THSD4: variants seen among roughly 807,000 people sequenced by gnomAD.
The protein encoded by THSD4 is thrombospondin type 1 domain containing 4, also known as thrombospondin type-1 domain-containing protein 4.
Under a neutral mutation model 119.0 loss-of-function variants are expected in THSD4, and 69 were observed. The ratio of observed to expected loss-of-function variants is 0.58; its 90% confidence interval spans 0.48 to 0.71. The LOEUF (loss-of-function observed/expected upper bound fraction) is 0.71. Ranked by LOEUF, THSD4 falls within the 30% of genes least tolerant of loss-of-function variation. THSD4 has a pLI of 0.00. For missense variants in THSD4, 1,393 were observed against 1,391.1 expected, an observed-to-expected ratio of 1.00 and a Z score of -0.02; for synonymous variants, 524 against 540.4, an observed-to-expected ratio of 0.97 and a Z score of 0.42.
intron 11 of THSD4, among the ~76,000 whole-genome samples, chr15:71,743,340 T>A (rs1438951454): frequency 2.6e-5 from 4 of 152,106 alleles, no homozygotes; most frequent in African/African-American, 9.7e-5. Flanking sequence ...TGCTTTCCTA[T>A]CCACAAACAT....
At chr15:71,732,389 C>T (rs1162735270) in intron 10 of THSD4, 1 of 152,230 alleles carries the variant, frequency 6.6e-6, no homozygotes, top group Non-Finnish European at 1.5e-5. Context: ...GAGCAGGCAG[C>T]TTTCTCTCGG....
chr15:71,327,290 G>A (rs1297190555), intron 6 of THSD4, among the ~76,000 whole-genome samples: 1 of 151,850 alleles, frequency 6.6e-6, no homozygotes, highest in East Asian at 1.9e-4. Flanking sequence ...GTTATGGAGG[G>A]GCTCACACTG....
upstream of THSD4, chr15:71,111,471 G>T (rs990720679): frequency 7.2e-7 from 1 of 1,384,726 alleles, no homozygotes; most frequent in Non-Finnish European, 1.0e-6. Flanking sequence ...GCAAGCAGGG[G>T]AGGGAATCTA....
intron 3 of THSD4, among the ~76,000 whole-genome samples, chr15:71,164,367 T>C (rs2043271892): frequency 1.0e-5 from 1 of 98,464 alleles, no homozygotes; most frequent in South Asian, 3.9e-4. Context: ...CAGCTGCAAC[T>C]TTTTTTTTTT....
chr15:71,216,335 GCC>G (rs1314763817), intron 4 of THSD4, among the ~76,000 whole-genome samples: 4 of 152,212 alleles, frequency 2.6e-5, no homozygotes, highest in Admixed American at 6.5e-5. Flanking sequence ...TTGCCCCCTT[GCC>G]CACTCACAGT....
chr15:71,773,200 CAAAAA>C lies in THSD4; in HGVS notation c.2914+2003_2914+2007del, dbSNP rs5813665. ...TAGGAGACAGAGTGAGACCATGTCT[CAAAAA>C]AAAAAAAAAAGAAAAAGAAAAAAGA... On this transcript the variant is annotated intron_variant, in intron 17 of 17. Transcript: ENST00000261862. 1.1e-4 allele frequency among the ~76,000 whole-genome samples: 6 copies of C among 54,066 alleles called. No homozygotes were observed. In the South Asian group the frequency reaches 2.5e-3, roughly 22 times the overall value. 35.5% of individuals were successfully genotyped at this position (54,066 alleles called of 152,430 possible).
At chr15:71,641,041 C>A (rs2050848961) in intron 7 of THSD4, among the ~76,000 whole-genome samples, 1 of 152,000 alleles carries the variant, frequency 6.6e-6, no homozygotes, top group African/African-American at 2.4e-5. Flanking sequence ...TTTAGTCTTT[C>A]CCTGAATGAC....
At chr15:71,223,730 G>A (rs1180399408) in intron 4 of THSD4, among the ~76,000 whole-genome samples, 2 of 152,164 alleles carry the variant, frequency 1.3e-5, no homozygotes, top group African/African-American at 2.4e-5. Flanking sequence ...AATACCTAAG[G>A]GAGTGTGCTG....
chr15:71,536,160 G>T (rs151054119), intron 7 of THSD4, among the ~76,000 whole-genome samples: 150 of 152,286 alleles, frequency 9.8e-4, no homozygotes, highest in African/African-American at 3.5e-3. Flanking sequence ...CAGTTCCAGA[G>T]ATCAGAAGTC....
intron 7 of THSD4, among the ~76,000 whole-genome samples, chr15:71,502,393 T>A (rs1486500024): frequency 6.6e-6 from 1 of 152,212 alleles, no homozygotes; most frequent in African/African-American, 2.4e-5. Context: ...GTATGTTTCT[T>A]TGCAAACTTT....
chr15:71,309,757 T>A (rs917841445), intron 6 of THSD4, among the ~76,000 whole-genome samples: 4 of 152,230 alleles, frequency 2.6e-5, no homozygotes, highest in African/African-American at 9.6e-5. Context: ...CACCATTGAA[T>A]GATTTGGGCA....
At chr15:71,727,553 AATATATATATATATATAT>A (rs869196877) in intron 8 of THSD4, among the ~76,000 whole-genome samples, 2 of 122,788 alleles carry the variant, frequency 1.6e-5, no homozygotes, top group African/African-American at 7.7e-5. Context: ...AAAAAAAAAA[AATATATATATATATATAT>A]ATATATATAT....
chr15:71,502,734 CAG>C (rs1042458450), intron 7 of THSD4, among the ~76,000 whole-genome samples: 50 of 152,262 alleles, frequency 3.3e-4, no homozygotes, highest in African/African-American at 1.2e-3. Context: ...AGATCTTCTA[CAG>C]AAGATCATCT....
intron 4 of THSD4, among the ~76,000 whole-genome samples, chr15:71,230,542 G>A (rs966707850): frequency 6.6e-6 from 1 of 152,230 alleles, no homozygotes; most frequent in African/African-American, 2.4e-5. Flanking sequence ...TTATCTGTGC[G>A]ACAGCCAGGG....
intron 6 of THSD4, among the ~76,000 whole-genome samples, chr15:71,367,607 A>G (rs1490952383): frequency 6.6e-6 from 1 of 152,244 alleles, no homozygotes; most frequent in African/African-American, 2.4e-5. Context: ...TACAAAGGAC[A>G]TGAACTTATC....
Position 71,487,602 on chromosome 15 carries a change from C to G in THSD4, c.1152+75779C>G, listed in dbSNP as rs573868314. Among the ~76,000 whole-genome samples the G allele has an allele frequency of 5.1e-4, 78 of 152,288 alleles. 1 individual carries two copies. The highest frequency in any genetic ancestry group is 1.8e-3 in the African/African-American group (73 of 41,556). ...TGTTTGCAGTTCCCCTTATGGCCAG[C>G]TTAGAATCTTTCATGTAGATATTTG... On this transcript the variant is annotated intron_variant, in intron 7 of 17. Coordinates refer to ENST00000261862, the MANE Select transcript of THSD4 (RefSeq NM_024817.3).
intron 8 of THSD4, among the ~76,000 whole-genome samples, chr15:71,705,328 C>T (rs1238355545): frequency 6.6e-6 from 1 of 152,168 alleles, no homozygotes; most frequent in Non-Finnish European, 1.5e-5. Context: ...ACCTAATTTG[C>T]ACACCGCAAC....
At position 71,411,667 on chromosome 15, in the gene THSD4, A is replaced by G; in HGVS notation, c.1016-20A>G. On this transcript the variant is annotated intron_variant, in intron 6 of 17. Transcript: ENST00000261862. ...TTATACCTTATCTTTATTTTATTTTATTTCATTTTACTTTGGTAGTAAAAG... is the reference window on the plus strand; with the variant it reads ...TTATACCTTATCTTTATTTTATTTTGTTTCATTTTACTTTGGTAGTAAAAG... The G allele has an allele frequency of 6.2e-7, 1 of 1,603,710 alleles. No homozygotes were observed. Among genetic ancestry groups the G allele is most frequent in the East Asian group, 2.3e-5 (1 of 43,830 alleles).
chr15:71,700,283 T>G (rs1216631069), intron 8 of THSD4, among the ~76,000 whole-genome samples: 1 of 152,272 alleles, frequency 6.6e-6, no homozygotes, highest in South Asian at 2.1e-4. Flanking sequence ...AGCTTTCCTA[T>G]ATATAAGCAA....
Sources: gnomAD v4.1 joint callset for allele counts (sites outside exome capture counted in the v4.1 genomes callset) on GRCh38, gnomAD v4.1.1 for gene constraint, MANE v1.5 for transcripts, NCBI Gene and HGNC (gene_info 2026-07-23, HGNC 2026-07-21) for gene names.